Variants in LVRN observed in about 807,000 individuals in gnomAD.
LVRN encodes laeverin, also known as aminopeptidase Q.
Under a neutral mutation model 111.4 loss-of-function variants are expected in LVRN, and 99 were observed. That is an observed-to-expected ratio of 0.89 (90% CI 0.76 to 1.05). The LOEUF (loss-of-function observed/expected upper bound fraction) is 1.05. LVRN is among the 50% of genes least tolerant of loss of function. The probability of loss-of-function intolerance (pLI) is 0.00; values close to 1 mark genes in which losing one functional copy is unlikely to be tolerated. For missense variants in LVRN, 1,414 were observed against 1,206.8 expected (o/e 1.17, Z -2.54); for synonymous variants, 488 against 449.5 (o/e 1.09, Z -1.08).
chr5:116,001,285 G>A, intron 10 of LVRN, 46 bp downstream of exon 10: 1 of 1,595,844 alleles, frequency 6.3e-7, no homozygotes, highest in South Asian at 1.1e-5. Context: ...TTGGGGTTGA[G>A]CTCTGACCCA....
intron 13 of LVRN, among the ~76,000 whole-genome samples, chr5:116,006,168 C>T (rs1456849526): frequency 2.0e-5 from 3 of 152,058 alleles, no homozygotes; most frequent in Non-Finnish European, 2.9e-5. Flanking sequence ...TAAGATGTGG[C>T]AGTGATTTCT....
chr5:115,995,154 A>T (rs1748078933), intron 6 of LVRN, among the ~76,000 whole-genome samples: 1 of 152,230 alleles, frequency 6.6e-6, no homozygotes, highest in African/African-American at 2.4e-5. Context: ...AGATTCTAAG[A>T]TGATATTCGT....
At chr5:116,006,104 C>A in intron 13 of LVRN, 137 bp downstream of exon 13, 1 of 627,810 alleles carries the variant, frequency 1.6e-6, no homozygotes, top group Non-Finnish European at 2.6e-6. Context: ...AATTCTGTAG[C>A]TGCAATGGAA....
chr5:116,001,003 G>A (rs1171551962), intron 9 of LVRN, 64 bp from the exon 10 acceptor site: 1 of 1,515,030 alleles, frequency 6.6e-7, no homozygotes. Flanking sequence ...TCTTTTTGGA[G>A]ATTGCTACTT....
chr5:115,996,154 G>C (rs1748105815), intron 6 of LVRN, among the ~76,000 whole-genome samples: 2 of 152,124 alleles, frequency 1.3e-5, no homozygotes, highest in African/African-American at 4.8e-5. Flanking sequence ...TCTGTGGATA[G>C]AGTAAATAAG....
In LVRN at chr5:115,995,303, A is replaced by G. The variant is rs556450852; in HGVS notation, c.1374+1449A>G. 4.6e-5 allele frequency: 7 copies of G among 152,318 alleles called. No individual in the cohort carries two copies. In the South Asian group the frequency reaches 1.5e-3, roughly 32 times the overall value. 9.4% of individuals were successfully genotyped at this position (152,318 alleles called of 1,614,324 possible). On this transcript the variant is annotated intron_variant, in intron 6 of 19. Transcript: ENST00000357872. Reference sequence around the variant, plus strand: ...ATCTTAGTGCCACAGAAACCTTTTAAAAAATCTCTTTTTATCTGTTTGTGA... The same window carrying G: ...ATCTTAGTGCCACAGAAACCTTTTAGAAAATCTCTTTTTATCTGTTTGTGA...
At chr5:115,981,995 C>T (rs1447729029) in intron 1 of LVRN, among the ~76,000 whole-genome samples, 2 of 152,084 alleles carry the variant, frequency 1.3e-5, no homozygotes, top group Non-Finnish European at 2.9e-5. Context: ...TGTGACTGTC[C>T]TGCGTTGCTC....
rs758093708 is a variant in LVRN at position 115,984,535 on chromosome 5, T to C, written c.839-35T>C. The C allele has an allele frequency of 1.9e-6, 3 of 1,608,534 alleles. No individual in the cohort carries two copies. In the South Asian group the frequency reaches 3.3e-5, roughly 18 times the overall value. On this transcript the variant is annotated intron_variant, in intron 2 of 19. Transcript: ENST00000357872. ...TTTCAAAGACATGTAATTGCTTAGA[T>C]TTGCTGTGATTTGAACTAAAATAAA...
Position 115,984,683 on chromosome 5 carries a change from G to C in LVRN, c.952G>C (p.Val318Leu), listed in dbSNP as rs564955632. 6.2e-7 allele frequency: 1 copy of C among 1,613,582 alleles called. No homozygotes were observed. Among genetic ancestry groups the C allele is most frequent in the South Asian group, 1.1e-5 (1 of 91,062 alleles). The change falls in exon 3 of 20, where the codon GTC becomes CTC. Residue 318 changes from valine (V) to leucine (L), a missense_variant. Val to Leu is a conservative substitution (Grantham distance 32). Transcript: ENST00000357872. ...ATTTGTTATATGTGACTATGACCAC[G>C]TCAACAGAACAGAAAGGGGCAAGGA... ...VAFVICDYDH[V>L]NRTERGKEIR...
intron 1 of LVRN, among the ~76,000 whole-genome samples, chr5:115,982,668 G>A (rs1292413454): frequency 6.6e-6 from 1 of 151,698 alleles, no homozygotes; most frequent in East Asian, 1.9e-4. Flanking sequence ...ACCAGTGTGT[G>A]GTGGGATAAT....
chr5:116,016,625 T>C (rs1183769446), intron 18 of LVRN, among the ~76,000 whole-genome samples: 2 of 152,238 alleles, frequency 1.3e-5, no homozygotes, highest in African/African-American at 4.8e-5. Flanking sequence ...CCCTCACTTT[T>C]GCAGACTCAC....
At position 115,984,584 on chromosome 5, in the gene LVRN, G is replaced by A. The variant is rs1159775656; in HGVS notation, c.853G>A (p.Glu285Lys). The A allele has an allele frequency of 6.2e-7, 1 of 1,613,348 alleles. No homozygotes were observed. Among genetic ancestry groups the A allele is most frequent in the African/African-American group, 1.3e-5 (1 of 74,872 alleles). ...NMPKLGQSEKEDVNGSKWTVT... is the reference protein window; with the variant it reads ...NMPKLGQSEKKDVNGSKWTVT... ...AAATTCTCTAGGTCAGTCTGAAAAAGAAGATGTGAATGGAAGCAAATGGAC... is the reference window on the plus strand; with the variant it reads ...AAATTCTCTAGGTCAGTCTGAAAAAAAAGATGTGAATGGAAGCAAATGGAC... The change falls in exon 3 of 20, where the codon GAA becomes AAA. Residue 285 changes from glutamate (E) to lysine (K), a missense_variant. By Grantham distance (56) the Glu-to-Lys change is moderately conservative. Transcript: ENST00000357872.
At chr5:115,987,210 T>C (rs902809972) in intron 3 of LVRN, among the ~76,000 whole-genome samples, 3 of 152,174 alleles carry the variant, frequency 2.0e-5, no homozygotes, top group African/African-American at 7.2e-5. Flanking sequence ...AGTGGAAGTG[T>C]CATTTGGCAA....
At chr5:115,969,094 C>T (rs1475360998) in intron 1 of LVRN, among the ~76,000 whole-genome samples, 11 of 152,168 alleles carry the variant, frequency 7.2e-5, no homozygotes, top group Non-Finnish European at 1.5e-4. Flanking sequence ...GAGGTCTCCT[C>T]TTTCTCTCCT....
chr5:116,014,590 T>C, intron 16 of LVRN, 63 bp downstream of exon 16: 1 of 1,311,788 alleles, frequency 7.6e-7, no homozygotes, highest in East Asian at 2.4e-5. Context: ...ATTTCCCTTT[T>C]TGATGTACTC....
At chr5:115,999,067 G>A (rs566387039) in intron 6 of LVRN, among the ~76,000 whole-genome samples, 9 of 152,226 alleles carry the variant, frequency 5.9e-5, no homozygotes, top group East Asian at 5.8e-4. Context: ...GGCTGCGAAC[G>A]TGTGCCGGTA....
intron 1 of LVRN, among the ~76,000 whole-genome samples, chr5:115,966,445 C>T (rs1042859379): frequency 1.1e-4 from 17 of 152,124 alleles, no homozygotes; most frequent in African/African-American, 3.6e-4. Flanking sequence ...AGTCATTCAT[C>T]GATTGAGGGT....
At chr5:116,006,830 CT>C (rs1748385913) in intron 13 of LVRN, among the ~76,000 whole-genome samples, 1 of 152,196 alleles carries the variant, frequency 6.6e-6, no homozygotes, top group African/African-American at 2.4e-5. Flanking sequence ...ATCTTTCCCC[CT>C]GTCTTAGGTT....
chr5:115,974,060 T>G (rs1283261817), intron 1 of LVRN, among the ~76,000 whole-genome samples: 3 of 152,228 alleles, frequency 2.0e-5, no homozygotes, highest in Non-Finnish European at 4.4e-5. Flanking sequence ...CTGTTGAGTT[T>G]GAAGTAGGAG....
Sources: allele counts gnomAD v4.1 joint callset (sites outside exome capture counted in the v4.1 genomes callset), GRCh38; gene constraint gnomAD v4.1.1; transcripts MANE v1.5; gene names NCBI Gene and HGNC (gene_info 2026-07-23, HGNC 2026-07-21).